SNX29: variants seen among roughly 807,000 people sequenced by gnomAD.
SNX29 encodes sorting nexin 29, also known as sorting nexin-29.
SNX29 carries 78 observed loss-of-function variants against 102.1 expected under a neutral mutation model. That is an observed-to-expected ratio of 0.76 (90% CI 0.64 to 0.92). The LOEUF (loss-of-function observed/expected upper bound fraction) is 0.92. Among genes scored for constraint, SNX29 ranks in the 40% least tolerant of loss-of-function variants. The pLI is 0.00. For synonymous variants in SNX29, 580 were observed against 414.5 expected, an observed-to-expected ratio of 1.40 and a Z score of -4.85; for missense variants, 1,280 against 1,061.7, an observed-to-expected ratio of 1.21 and a Z score of -2.86.
intron 18 of SNX29, among the ~76,000 whole-genome samples, chr16:12,431,464 T>A (rs1001575409): frequency 6.6e-6 from 1 of 151,864 alleles, no homozygotes; most frequent in Non-Finnish European, 1.5e-5. Context: ...GTTTTTTTGT[T>A]TTTTTTGCAT....
chr16:12,065,496 T>C (rs962526475), intron 9 of SNX29, among the ~76,000 whole-genome samples: 2 of 152,192 alleles, frequency 1.3e-5, no homozygotes, highest in Admixed American at 6.5e-5. Context: ...CTTTGAAACC[T>C]TGGGTCCTCA....
At chr16:12,331,697 G>A (rs1402973919) in intron 15 of SNX29, among the ~76,000 whole-genome samples, 3 of 152,000 alleles carry the variant, frequency 2.0e-5, no homozygotes, top group Admixed American at 1.3e-4. Flanking sequence ...GACTACAGGC[G>A]CCCGCCTCCA....
At chr16:12,107,278 C>G (rs543507021) in intron 11 of SNX29, among the ~76,000 whole-genome samples, 2 of 151,514 alleles carry the variant, frequency 1.3e-5, no homozygotes, top group South Asian at 4.2e-4. Flanking sequence ...GTGGGGACAG[C>G]TGGCATCTGC....
At chr16:12,003,496 T>C (rs991342301) in intron 3 of SNX29, among the ~76,000 whole-genome samples, 2 of 152,124 alleles carry the variant, frequency 1.3e-5, no homozygotes. Context: ...GATTTAAAAA[T>C]TACATATATA....
At chr16:12,137,933 A>G (rs1170928564) in intron 13 of SNX29, among the ~76,000 whole-genome samples, 1 of 152,318 alleles carries the variant, frequency 6.6e-6, no homozygotes, top group South Asian at 2.1e-4. Flanking sequence ...GGGAAAAGCC[A>G]GTAGGCTTCA....
At chr16:12,179,117 C>T (rs1040037685) in intron 13 of SNX29, among the ~76,000 whole-genome samples, 1 of 151,974 alleles carries the variant, frequency 6.6e-6, no homozygotes, top group Non-Finnish European at 1.5e-5. Context: ...TATATATATT[C>T]CTATGTGTAG....
chr16:12,541,223 G>A (rs906633764), intron 20 of SNX29, among the ~76,000 whole-genome samples: 2 of 152,162 alleles, frequency 1.3e-5, no homozygotes, highest in South Asian at 4.1e-4. Context: ...TGCATGGAGA[G>A]AAGGACTATG....
chr16:12,153,055 A>G (rs2055367347), intron 13 of SNX29, among the ~76,000 whole-genome samples: 1 of 152,202 alleles, frequency 6.6e-6, no homozygotes, highest in South Asian at 2.1e-4. Context: ...CTATTACTAT[A>G]GCTTTCTTTT....
chr16:12,125,042 A>C (rs1196406360), intron 11 of SNX29, among the ~76,000 whole-genome samples: 1 of 152,176 alleles, frequency 6.6e-6, no homozygotes, highest in East Asian at 1.9e-4. Context: ...GAGAGGAGAG[A>C]AAATTACATG....
chr16:12,538,867 A>T (rs747092941), intron 20 of SNX29, among the ~76,000 whole-genome samples: 3 of 151,806 alleles, frequency 2.0e-5, no homozygotes, highest in African/African-American at 7.3e-5. Context: ...AGAACGGTAG[A>T]TGGGGCCATT....
intron 11 of SNX29, among the ~76,000 whole-genome samples, chr16:12,095,625 C>T (rs745831932): frequency 2.0e-5 from 3 of 152,222 alleles, no homozygotes; most frequent in Non-Finnish European, 2.9e-5. Context: ...CATCAGAAAA[C>T]ATTTCCCCTG....
chr16:12,530,284 A>G (rs994243988), intron 20 of SNX29, among the ~76,000 whole-genome samples: 2 of 152,202 alleles, frequency 1.3e-5, no homozygotes, highest in African/African-American at 4.8e-5. Context: ...TAAGCACTGT[A>G]TGTGTGTCAC....
intron 17 of SNX29, among the ~76,000 whole-genome samples, chr16:12,401,347 C>T (rs2083932281): frequency 1.3e-5 from 2 of 148,640 alleles, no homozygotes; most frequent in Admixed American, 1.4e-4. Context: ...TCCTTGACCA[C>T]AATAGAGTTA....
At chr16:12,441,469 C>T (rs2151672453) in intron 18 of SNX29, among the ~76,000 whole-genome samples, 1 of 152,280 alleles carries the variant, frequency 6.6e-6, no homozygotes, top group Non-Finnish European at 1.5e-5. Flanking sequence ...CTCCTGATGG[C>T]CATTTGGGTT....
chr16:12,399,423 G>A (rs142586818), intron 17 of SNX29, among the ~76,000 whole-genome samples: 157 of 152,308 alleles, frequency 1.0e-3, no homozygotes, highest in African/African-American at 3.8e-3. Flanking sequence ...TGGATAAGTT[G>A]TCTCCTCTCT....
intron 15 of SNX29, among the ~76,000 whole-genome samples, chr16:12,297,849 T>C (rs1189416360): frequency 2.0e-5 from 3 of 152,104 alleles, no homozygotes; most frequent in African/African-American, 7.2e-5. Flanking sequence ...TGAACCTCAC[T>C]TTTCCCCTCC....
At chr16:12,433,656 C>T (rs948165723) in intron 18 of SNX29, among the ~76,000 whole-genome samples, 5 of 132,560 alleles carry the variant, frequency 3.8e-5, no homozygotes, top group Admixed American at 7.5e-5. Flanking sequence ...AAAAAGGAAA[C>T]TTAGCTGGGC....
At chr16:12,431,121 G>A (rs977860574) in intron 18 of SNX29, among the ~76,000 whole-genome samples, 12 of 152,158 alleles carry the variant, frequency 7.9e-5, no homozygotes, top group Admixed American at 1.3e-4. Flanking sequence ...CAAAGTGCTG[G>A]GATTACAGGC....
intron 14 of SNX29, among the ~76,000 whole-genome samples, chr16:12,201,458 T>A (rs549971829): frequency 2.0e-5 from 3 of 152,366 alleles, no homozygotes; most frequent in African/African-American, 7.2e-5. Flanking sequence ...TATTTTTCTG[T>A]TATTTTAAAG....
Sources: allele counts gnomAD v4.1 joint callset (sites outside exome capture counted in the v4.1 genomes callset), GRCh38; gene constraint gnomAD v4.1.1; transcripts MANE v1.5; gene names NCBI Gene and HGNC (gene_info 2026-07-23, HGNC 2026-07-21).